Variants in ADAMTS12 observed in about 807,000 individuals in gnomAD.
The protein encoded by ADAMTS12 is A disintegrin and metalloproteinase with thrombospondin motifs 12.
ADAMTS12 carries 118 observed loss-of-function variants against 167.8 expected under a neutral mutation model. That is an observed-to-expected ratio of 0.70 (90% CI 0.61 to 0.82). The LOEUF (loss-of-function observed/expected upper bound fraction) is 0.82. ADAMTS12 is among the 40% of genes least tolerant of loss of function. The probability of loss-of-function intolerance (pLI) is 0.00; values close to 1 mark genes in which losing one functional copy is unlikely to be tolerated. For synonymous variants in ADAMTS12, 704 were observed against 716.9 expected (o/e 0.98, Z 0.29); for missense variants, 1,916 against 1,998.8 (o/e 0.96, Z 0.79).
intron 19 of ADAMTS12, among the ~76,000 whole-genome samples, chr5:33,565,831 A>G (rs1423194750): frequency 6.6e-6 from 1 of 152,194 alleles, no homozygotes; most frequent in Middle Eastern, 3.2e-3. Flanking sequence ...AACAGTAATC[A>G]TAGTTGATGC....
intron 20 of ADAMTS12, among the ~76,000 whole-genome samples, chr5:33,552,722 G>T (rs760450586): frequency 3.3e-5 from 5 of 152,172 alleles, no homozygotes; most frequent in Admixed American, 6.5e-5. Flanking sequence ...CTGATCTGTT[G>T]GCCCATGTGT....
intron 19 of ADAMTS12, among the ~76,000 whole-genome samples, chr5:33,571,052 G>T (rs1016942055): frequency 1.5e-4 from 22 of 151,480 alleles, no homozygotes; most frequent in South Asian, 2.1e-4. Context: ...CTAACTATCC[G>T]AAATATATAT....
chr5:33,741,383 G>A (rs1744573274), intron 3 of ADAMTS12, among the ~76,000 whole-genome samples: 1 of 152,118 alleles, frequency 6.6e-6, no homozygotes, highest in Non-Finnish European at 1.5e-5. Flanking sequence ...CTTTCCTCTG[G>A]ACATGCTTGC....
intron 1 of ADAMTS12, among the ~76,000 whole-genome samples, chr5:33,889,286 T>TAA (rs35090552): frequency 1.0e-4 from 15 of 150,700 alleles, no homozygotes; most frequent in African/African-American, 2.0e-4. Flanking sequence ...TCATCTCTAT[T>TAA]AAAAAAAAAA....
chr5:33,655,694 G>T (rs1409465871), intron 7 of ADAMTS12, among the ~76,000 whole-genome samples: 10 of 150,846 alleles, frequency 6.6e-5, no homozygotes, highest in Admixed American at 6.6e-4. Flanking sequence ...GAATGTGCAG[G>T]TTTGTTACAT....
chr5:33,887,374 CACTCCT>C (rs1750672066), intron 1 of ADAMTS12, among the ~76,000 whole-genome samples: 1 of 152,126 alleles, frequency 6.6e-6, no homozygotes, highest in South Asian at 2.1e-4. Flanking sequence ...CCAGAGCACA[CACTCCT>C]AAGCTCTGCC....
At chr5:33,832,608 C>G (rs1477567586) in intron 2 of ADAMTS12, among the ~76,000 whole-genome samples, 1 of 152,204 alleles carries the variant, frequency 6.6e-6, no homozygotes, top group South Asian at 2.1e-4. Context: ...TTTCTACCAT[C>G]TGGCAATGCG....
At chr5:33,763,703 C>T (rs1029263246) in intron 2 of ADAMTS12, among the ~76,000 whole-genome samples, 3 of 152,240 alleles carry the variant, frequency 2.0e-5, no homozygotes, top group Non-Finnish European at 4.4e-5. Flanking sequence ...AACCGGTTCA[C>T]ATGCAAACAA....
At chr5:33,614,677 G>A (rs1392906725) in intron 15 of ADAMTS12, among the ~76,000 whole-genome samples, 1 of 152,146 alleles carries the variant, frequency 6.6e-6, no homozygotes, top group Non-Finnish European at 1.5e-5. Context: ...AATCATATGG[G>A]GAGTACTCTG....
chr5:33,618,929 G>A (rs778415524), intron 14 of ADAMTS12, among the ~76,000 whole-genome samples: 3 of 152,186 alleles, frequency 2.0e-5, no homozygotes, highest in Middle Eastern at 6.8e-3. Flanking sequence ...TTCTGTCAGC[G>A]TTCTCTTCCA....
intron 2 of ADAMTS12, among the ~76,000 whole-genome samples, chr5:33,774,275 C>T (rs1745839870): frequency 6.6e-6 from 1 of 151,982 alleles, no homozygotes; most frequent in Non-Finnish European, 1.5e-5. Flanking sequence ...GAAGTCCTGA[C>T]AAGGAAAATT....
intron 2 of ADAMTS12, among the ~76,000 whole-genome samples, chr5:33,877,918 G>A (rs962603226): frequency 6.6e-6 from 1 of 152,134 alleles, no homozygotes; most frequent in African/African-American, 2.4e-5. Flanking sequence ...AGCCAGGCTT[G>A]CACCCCAGGA....
At chr5:33,847,844 G>A (rs556880248) in intron 2 of ADAMTS12, among the ~76,000 whole-genome samples, 2 of 152,236 alleles carry the variant, frequency 1.3e-5, no homozygotes, top group South Asian at 2.1e-4. Context: ...AGGTGAATGA[G>A]GTAGAAGACT....
intron 3 of ADAMTS12, among the ~76,000 whole-genome samples, chr5:33,708,553 C>T (rs762991018): frequency 6.6e-6 from 1 of 152,180 alleles, no homozygotes; most frequent in African/African-American, 2.4e-5. Context: ...ACCCAAGTGC[C>T]TATCAATGAT....
intron 18 of ADAMTS12, among the ~76,000 whole-genome samples, chr5:33,578,755 C>G (rs1037723925): frequency 6.6e-6 from 1 of 152,138 alleles, no homozygotes; most frequent in African/African-American, 2.4e-5. Context: ...TAATCACTTA[C>G]TGATGTAAAA....
chr5:33,630,058 T>C (rs145289049), intron 13 of ADAMTS12, among the ~76,000 whole-genome samples: 203 of 152,314 alleles, frequency 1.3e-3, no homozygotes, highest in African/African-American at 4.7e-3. Flanking sequence ...GGTGTTGAGT[T>C]CATATTCTAA....
chr5:33,812,343 A>C (rs1026685817), intron 2 of ADAMTS12, among the ~76,000 whole-genome samples: 3 of 152,194 alleles, frequency 2.0e-5, no homozygotes, highest in African/African-American at 4.8e-5. Flanking sequence ...TGATGGGAGA[A>C]TTAGAAGTTC....
chr5:33,535,116 T>C (rs1744317608), intron 22 of ADAMTS12, 124 bp from the exon 23 acceptor site: 2 of 976,564 alleles, frequency 2.0e-6, no homozygotes, highest in Non-Finnish European at 2.9e-6. Flanking sequence ...GAAACCTTTT[T>C]GGAGGAGTCA....
chr5:33,583,891 T>C (rs986046379), intron 18 of ADAMTS12, among the ~76,000 whole-genome samples: 1 of 152,208 alleles, frequency 6.6e-6, no homozygotes, highest in Non-Finnish European at 1.5e-5. Flanking sequence ...TTGGGGAGGC[T>C]CTGATTTCTC....
Sources: allele counts gnomAD v4.1 joint callset (sites outside exome capture counted in the v4.1 genomes callset), GRCh38; gene constraint gnomAD v4.1.1; transcripts MANE v1.5; gene names NCBI Gene and HGNC (gene_info 2026-07-23, HGNC 2026-07-21).